XKR6: variants seen among roughly 807,000 people sequenced by gnomAD.
XKR6 encodes the protein XK related 6, also known as XK-related protein 6.
XKR6 carries 22 observed loss-of-function variants against 56.7 expected under a neutral mutation model. The observed-to-expected ratio is 0.39, with a 90% confidence interval of 0.28 to 0.55. The LOEUF (loss-of-function observed/expected upper bound fraction) is 0.55, where lower values mean the gene tolerates loss of function less well. Ranked by LOEUF, XKR6 falls within the 20% of genes least tolerant of loss-of-function variation. XKR6 has a pLI of 0.66. For missense variants in XKR6, 852 were observed against 889.0 expected, an observed-to-expected ratio of 0.96 and a Z score of 0.53; for synonymous variants, 524 against 387.8, an observed-to-expected ratio of 1.35 and a Z score of -4.13.
chr8:11,190,581 C>G (rs1346114833), intron 1 of XKR6, among the ~76,000 whole-genome samples: 1 of 152,192 alleles, frequency 6.6e-6, no homozygotes, highest in Non-Finnish European at 1.5e-5. Flanking sequence ...CAATCAACTA[C>G]AAGACTTACA....
chr8:10,963,849 G>A (rs1420321961), intron 1 of XKR6, among the ~76,000 whole-genome samples: 3 of 152,194 alleles, frequency 2.0e-5, no homozygotes. Flanking sequence ...CCCTTCCTAA[G>A]TAGTTGCTGA....
intron 1 of XKR6, among the ~76,000 whole-genome samples, chr8:11,090,922 G>C (rs527606379): frequency 1.3e-5 from 2 of 152,008 alleles, no homozygotes; most frequent in Non-Finnish European, 1.5e-5. Flanking sequence ...CACCCCATTT[G>C]ATAGATGAGA....
At chr8:10,994,507 C>G (rs1413926980) in intron 1 of XKR6, among the ~76,000 whole-genome samples, 1 of 152,192 alleles carries the variant, frequency 6.6e-6, no homozygotes, top group African/African-American at 2.4e-5. Flanking sequence ...CTGCAAGGCG[C>G]CTGTCCTCAT....
intron 1 of XKR6, among the ~76,000 whole-genome samples, chr8:11,071,685 GGAGTCTATGAGCCCC>G (rs1472192939): frequency 1.4e-5 from 2 of 138,674 alleles, no homozygotes; most frequent in Non-Finnish European, 3.1e-5. Flanking sequence ...CCATGAGCCC[GGAGTCTATGAGCCCC>G]GAGTCTATGA....
At chr8:11,051,522 C>T (rs886714793) in intron 1 of XKR6, among the ~76,000 whole-genome samples, 45 of 152,268 alleles carry the variant, frequency 3.0e-4, no homozygotes, top group African/African-American at 1.0e-3. Flanking sequence ...TAAAGGACAC[C>T]ATCACATTAT....
At position 10,912,563 on chromosome 8, in the gene XKR6, T is replaced by C. The variant is rs569998748; in HGVS notation, c.961+12071A>G. 1.8e-4 allele frequency among the ~76,000 whole-genome samples: 25 copies of C among 142,794 alleles called. 1 individual carries two copies. The South Asian group carries it at 5.1e-3, about 29-fold the overall frequency. The allele number at this position is 142,794 out of a possible 152,430, so 93.7% of individuals were successfully genotyped here. A position where few individuals can be genotyped will look rare whatever the true frequency, so the allele number is the denominator to read the frequency against. The stretch of plus-strand genomic sequence containing the variant: ...GAGAAAGAGAGAGGGTGTGTGTGTA[T>C]GTATATATATGTGTGTGTGCATATA... On this transcript the variant is annotated intron_variant, in intron 2 of 2. Coordinates refer to ENST00000416569, the MANE Select transcript of XKR6 (RefSeq NM_173683.4).
chr8:11,053,737 G>A (rs1434315407), intron 1 of XKR6, among the ~76,000 whole-genome samples: 1 of 152,186 alleles, frequency 6.6e-6, no homozygotes, highest in Non-Finnish European at 1.5e-5. Flanking sequence ...CACTTGTGCT[G>A]TCCTGTGGAT....
chr8:11,194,853 C>T, intron 1 of XKR6: 1 of 429,924 alleles, frequency 2.3e-6, no homozygotes, highest in Non-Finnish European at 4.1e-6. Flanking sequence ...AGCCTTCTTA[C>T]AATACAGATT....
chr8:11,037,689 C>A (rs1799179971), intron 1 of XKR6, among the ~76,000 whole-genome samples: 1 of 152,162 alleles, frequency 6.6e-6, no homozygotes. Flanking sequence ...GAAACCCTGT[C>A]ACTACTAAAA....
intron 1 of XKR6, among the ~76,000 whole-genome samples, chr8:11,131,618 A>T (rs1274893012): frequency 6.6e-6 from 1 of 152,178 alleles, no homozygotes; most frequent in Non-Finnish European, 1.5e-5. Flanking sequence ...CCCCTGAAGT[A>T]GTCAGTGTTG....
At chr8:11,056,152 C>T (rs571694793) in intron 1 of XKR6, among the ~76,000 whole-genome samples, 3 of 152,274 alleles carry the variant, frequency 2.0e-5, no homozygotes, top group East Asian at 1.9e-4. Flanking sequence ...CCTCTAGGAG[C>T]GCTAGATGAG....
chr8:11,001,025 C>A (rs978243870), intron 1 of XKR6, among the ~76,000 whole-genome samples: 1 of 152,206 alleles, frequency 6.6e-6, no homozygotes, highest in Non-Finnish European at 1.5e-5. Context: ...CCAACTGAAA[C>A]AAACCTCAAG....
At chr8:10,960,408 G>A (rs1340315674) in intron 1 of XKR6, among the ~76,000 whole-genome samples, 2 of 152,214 alleles carry the variant, frequency 1.3e-5, no homozygotes, top group African/African-American at 2.4e-5. Context: ...CAGTCTCCTG[G>A]TCAAGATGCA....
intron 1 of XKR6, among the ~76,000 whole-genome samples, chr8:11,038,944 G>C (rs17152797): frequency 6.6e-6 from 1 of 152,000 alleles, no homozygotes; most frequent in South Asian, 2.1e-4. Flanking sequence ...ACACTCACTC[G>C]TTTCCCACTA....
chr8:11,062,196 C>T lies in XKR6; in HGVS notation c.765-137366G>A, dbSNP rs116454322. 3.5e-3 allele frequency among the ~76,000 whole-genome samples: 540 copies of T among 152,204 alleles called. 3 individuals carry two copies. The highest frequency in any genetic ancestry group is 0.012 in the African/African-American group (504 of 41,518). Reference sequence around the variant, plus strand: ...CGGCCCATCCTGCCCTGGGCTAGTCCGTGCCCAGGCGCTGGGGGAAGTGGA... The same window carrying T: ...CGGCCCATCCTGCCCTGGGCTAGTCTGTGCCCAGGCGCTGGGGGAAGTGGA... On this transcript the variant is annotated intron_variant, in intron 1 of 2. Transcript: ENST00000416569.
intron 1 of XKR6, among the ~76,000 whole-genome samples, chr8:11,073,485 G>A (rs1800187058): frequency 6.6e-6 from 1 of 152,166 alleles, no homozygotes; most frequent in Non-Finnish European, 1.5e-5. Flanking sequence ...CTGGGACAAT[G>A]CCCCAAACCT....
intron 1 of XKR6, among the ~76,000 whole-genome samples, chr8:10,974,091 T>C (rs1441808868): frequency 6.6e-6 from 1 of 152,200 alleles, no homozygotes; most frequent in Non-Finnish European, 1.5e-5. Flanking sequence ...ATTGGTCCAG[T>C]GATCTCTTGT....
chr8:11,094,827 C>T (rs1484462419), intron 1 of XKR6, among the ~76,000 whole-genome samples: 4 of 152,196 alleles, frequency 2.6e-5, no homozygotes, highest in African/African-American at 9.6e-5. Context: ...CCTGCACCTT[C>T]CCTCTCCTCT....
chr8:11,178,626 C>A (rs1802802187), intron 1 of XKR6, among the ~76,000 whole-genome samples: 3 of 128,284 alleles, frequency 2.3e-5, no homozygotes, highest in Admixed American at 1.5e-4. Flanking sequence ...TATACACACA[C>A]AAATATATAT....
Sources: gnomAD v4.1 joint callset for allele counts (sites outside exome capture counted in the v4.1 genomes callset) on GRCh38, gnomAD v4.1.1 for gene constraint, MANE v1.5 for transcripts, NCBI Gene and HGNC (gene_info 2026-07-23, HGNC 2026-07-21) for gene names.